The following CNTNAP2 variants were observed in gnomAD, a reference collection of about 807,000 sequenced individuals.
The protein encoded by CNTNAP2 is contactin-associated protein-like 2.
In CNTNAP2, 98 loss-of-function variants were observed where a neutral mutation model predicts 155.2. That is an observed-to-expected ratio of 0.63 (90% CI 0.54 to 0.75). The LOEUF (loss-of-function observed/expected upper bound fraction) is 0.75. Ranked by LOEUF, CNTNAP2 falls within the 30% of genes least tolerant of loss-of-function variation. CNTNAP2 has a pLI of 0.00. For missense variants in CNTNAP2, 1,727 were observed against 1,688.1 expected (o/e 1.02, Z -0.40); for synonymous variants, 651 against 631.2 (o/e 1.03, Z -0.47).
chr7:147,142,401 G>A (rs1220135711), intron 8 of CNTNAP2, among the ~76,000 whole-genome samples: 1 of 152,172 alleles, frequency 6.6e-6, no homozygotes, highest in East Asian at 1.9e-4. Context: ...TATTGAACCA[G>A]CCTTGCATCC....
chr7:148,348,371 TG>T (rs1798362868), intron 21 of CNTNAP2, among the ~76,000 whole-genome samples: 1 of 152,236 alleles, frequency 6.6e-6, no homozygotes, highest in Admixed American at 6.5e-5. Flanking sequence ...GCATTATTAG[TG>T]GATATTTTTG....
chr7:146,429,392 C>T (rs983851167), intron 1 of CNTNAP2, among the ~76,000 whole-genome samples: 8 of 151,682 alleles, frequency 5.3e-5, no homozygotes, highest in African/African-American at 1.9e-4. Context: ...TGTTTGTGTT[C>T]TAATTTTTTT....
chr7:147,884,052 C>T (rs562086943), intron 13 of CNTNAP2, among the ~76,000 whole-genome samples: 1 of 152,182 alleles, frequency 6.6e-6, no homozygotes, highest in Non-Finnish European at 1.5e-5. Context: ...TGAAAGCCAG[C>T]CTAACAAAAT....
chr7:146,347,899 C>T (rs1434467850), intron 1 of CNTNAP2, among the ~76,000 whole-genome samples: 1 of 152,088 alleles, frequency 6.6e-6, no homozygotes, highest in Non-Finnish European at 1.5e-5. Context: ...ATTACATGCC[C>T]ACCACAGGAA....
intron 1 of CNTNAP2, among the ~76,000 whole-genome samples, chr7:146,726,266 C>T (rs1801429404): frequency 1.3e-5 from 2 of 152,082 alleles, no homozygotes; most frequent in East Asian, 1.9e-4. Flanking sequence ...ATCTAGGTAA[C>T]AATACATGAA....
chr7:147,730,847 T>C (rs1796726359), intron 13 of CNTNAP2, among the ~76,000 whole-genome samples: 1 of 152,092 alleles, frequency 6.6e-6, no homozygotes, highest in South Asian at 2.1e-4. Flanking sequence ...ACATTGAAAG[T>C]GCTACTCCAG....
chr7:146,310,560 T>A (rs369682673), intron 1 of CNTNAP2, among the ~76,000 whole-genome samples: 19 of 152,136 alleles, frequency 1.2e-4, no homozygotes, highest in African/African-American at 4.3e-4. Flanking sequence ...GCTATTTTGA[T>A]GCCTTTTAAT....
intron 12 of CNTNAP2, among the ~76,000 whole-genome samples, chr7:147,572,947 A>G (rs1343735285): frequency 6.6e-6 from 1 of 152,132 alleles, no homozygotes; most frequent in Admixed American, 6.6e-5. Flanking sequence ...TCATATCAGA[A>G]TGTCCCTGGA....
intron 5 of CNTNAP2, among the ~76,000 whole-genome samples, chr7:147,113,979 C>G (rs1249027327): frequency 6.6e-6 from 1 of 152,054 alleles, no homozygotes; most frequent in Non-Finnish European, 1.5e-5. Flanking sequence ...CTTAACACTG[C>G]TTTAACTGCA....
rs1186750004 is a variant in CNTNAP2 at position 147,791,501 on chromosome 7, T to G, written c.2099-112064T>G. 2.0e-5 allele frequency among the ~76,000 whole-genome samples: 3 copies of G among 150,646 alleles called. No individual in the cohort carries two copies. The East Asian group carries it at 5.9e-4, about 29-fold the overall frequency. On this transcript the variant is annotated intron_variant, in intron 13 of 23. Transcript: ENST00000361727. ...AGGTAGTATCTTTGCATAGGTCTCA[T>G]GCTTTCTTTTTGGTATTTACTCATC... is the stretch of plus-strand genomic sequence containing the variant.
intron 11 of CNTNAP2, among the ~76,000 whole-genome samples, chr7:147,503,546 C>A (rs950751070): frequency 2.6e-5 from 4 of 152,106 alleles, no homozygotes; most frequent in African/African-American, 9.7e-5. Context: ...TATGCCATCC[C>A]CTAACCTGCA....
At chr7:147,718,399 A>G (rs921434142) in intron 13 of CNTNAP2, among the ~76,000 whole-genome samples, 1 of 152,160 alleles carries the variant, frequency 6.6e-6, no homozygotes, top group Admixed American at 6.6e-5. Context: ...GATGAAATGC[A>G]TGATGTTGTT....
chr7:148,112,989 T>C (rs1164942843), intron 15 of CNTNAP2, among the ~76,000 whole-genome samples: 1 of 152,100 alleles, frequency 6.6e-6, no homozygotes, highest in Non-Finnish European at 1.5e-5. Context: ...CCACTAGACT[T>C]TTATAACTAT....
chr7:147,931,787 T>C (rs1800508929), intron 14 of CNTNAP2, among the ~76,000 whole-genome samples: 1 of 152,194 alleles, frequency 6.6e-6, no homozygotes, highest in African/African-American at 2.4e-5. Context: ...GAAAACTTAA[T>C]ATCATTAAAA....
chr7:148,346,222 A>G (rs1798324141), intron 21 of CNTNAP2, among the ~76,000 whole-genome samples: 1 of 152,200 alleles, frequency 6.6e-6, no homozygotes, highest in Non-Finnish European at 1.5e-5. Context: ...GGGAAGAACA[A>G]TTTAAAAATG....
chr7:146,171,442 C>A (rs913601419), intron 1 of CNTNAP2, among the ~76,000 whole-genome samples: 18 of 151,882 alleles, frequency 1.2e-4, no homozygotes, highest in Non-Finnish European at 1.9e-4. Flanking sequence ...TTAAAAAAAA[C>A]CAGCAAAATA....
At position 148,170,248 on chromosome 7, in the gene CNTNAP2, A is replaced by T. The variant is rs533444863; in HGVS notation, c.2774-1994A>T. On this transcript the variant is annotated intron_variant, in intron 17 of 23. Coordinates refer to ENST00000361727, the MANE Select transcript of CNTNAP2 (RefSeq NM_014141.6). ...GATTTCTACATTTTAGCATATTTTG[A>T]TAGAATATAATTGTCTTAATTGACT... Among the ~76,000 whole-genome samples the T allele has an allele frequency of 1.2e-4, 18 of 152,368 alleles. No homozygotes were observed. In the South Asian group the frequency reaches 2.7e-3, roughly 23 times the overall value.
chr7:147,081,252 C>T (rs961752169), intron 4 of CNTNAP2: 1 of 152,064 alleles, frequency 6.6e-6, no homozygotes, highest in African/African-American at 2.4e-5. Context: ...TGGGATGCCT[C>T]TATCCAGCAA....
chr7:146,793,013 A>G (rs1426681443), intron 2 of CNTNAP2, among the ~76,000 whole-genome samples: 1 of 152,162 alleles, frequency 6.6e-6, no homozygotes, highest in East Asian at 1.9e-4. Context: ...CAGGTGAAAT[A>G]CATTTTATAT....
Sources: allele counts gnomAD v4.1 joint callset (sites outside exome capture counted in the v4.1 genomes callset), GRCh38; gene constraint gnomAD v4.1.1; transcripts MANE v1.5; gene names NCBI Gene and HGNC (gene_info 2026-07-23, HGNC 2026-07-21).